Variants in GUCY2F observed in about 807,000 individuals in gnomAD.
GUCY2F encodes the protein retinal guanylyl cyclase 2.
In GUCY2F, 61 loss-of-function variants were observed where a neutral mutation model predicts 73.1. That is an observed-to-expected ratio of 0.83 (90% CI 0.68 to 1.03). The LOEUF is 1.03. GUCY2F is among the 50% of genes least tolerant of loss of function. GUCY2F has a pLI of 0.00. For missense variants in GUCY2F, 912 were observed against 854.3 expected, an observed-to-expected ratio of 1.07 and a Z score of -0.84; for synonymous variants, 331 against 307.8, an observed-to-expected ratio of 1.08 and a Z score of -0.79.
At chrX:109,411,260 A>G (rs1931104070) in intron 8 of GUCY2F, among the ~76,000 whole-genome samples, 1 of 107,876 alleles carries the variant, frequency 9.3e-6, no homozygotes. Flanking sequence ...ATTTTCAAAA[A>G]AAAAAAAAAA....
chrX:109,393,571 T>C (rs1288399357), intron 12 of GUCY2F, among the ~76,000 whole-genome samples: 1 of 111,564 alleles, frequency 9.0e-6, no homozygotes, highest in East Asian at 2.8e-4. Context: ...ATCCACGTGA[T>C]AAAATCAACC....
At chrX:109,426,055 G>T (rs1931479760) in intron 8 of GUCY2F, among the ~76,000 whole-genome samples, 1 of 111,840 alleles carries the variant, frequency 8.9e-6, no homozygotes, top group Non-Finnish European at 1.9e-5. Flanking sequence ...ATTTATAGTG[G>T]AAACAATATA....
intron 17 of GUCY2F, among the ~76,000 whole-genome samples, chrX:109,380,608 A>T (rs1290184585): frequency 3.6e-5 from 4 of 111,522 alleles, no homozygotes; most frequent in Non-Finnish European, 7.5e-5. Flanking sequence ...GGCATCAGAG[A>T]AAGGCTCTTC....
At chrX:109,423,602 C>T (rs1393879567) in intron 8 of GUCY2F, among the ~76,000 whole-genome samples, 1 of 98,613 alleles carries the variant, frequency 1.0e-5, no homozygotes, top group African/African-American at 3.7e-5. Context: ...GGTTTGGTAG[C>T]GATGGGGTCT....
rs942386066 is a variant in GUCY2F, at chrX:109,398,687, T to C, written c.2137A>G (p.Thr713Ala). The C allele has an allele frequency of 1.7e-6, 2 of 1,208,438 alleles. No homozygotes were observed. Among genetic ancestry groups the C allele is most frequent in the South Asian group, 3.5e-5 (2 of 56,345 alleles). ...EESSMEELLW[T>A]APELLRAPRG... ...GGAGCTCTCAACAGTTCAGGGGCCG[T>C]CCACAGCAGCTCTAAAAAGAAAGCA... The change falls in exon 11 of 20, where the codon ACG (threonine) becomes GCG (alanine). Residue 713 changes from threonine to alanine, a missense_variant. Transcript: ENST00000218006.
chrX:109,398,357 T>C (rs772942107), intron 11 of GUCY2F, among the ~76,000 whole-genome samples, 192 bp downstream of exon 11: 34 of 111,943 alleles, frequency 3.0e-4, no homozygotes, highest in African/African-American at 1.1e-3. Context: ...GGCCAGCTTC[T>C]TGGGTGGCGA....
chrX:109,453,855 G>A lies in GUCY2F; in HGVS notation c.1037C>T (p.Ser346Leu). ...ATTGTAGATGGTTCCAAACAACGGT[G>A]AAACCTATTTTTAAAAATTACAATT... is the stretch of plus-strand genomic sequence containing the variant. The part of the protein sequence containing the change: ...IPEKLEFDQV[S>L]PLFGTIYNSI... The change falls in exon 4 of 20, where the codon TCA becomes TTA. Residue 346 changes from serine (S) to leucine (L), a missense_variant. Transcript: ENST00000218006. 1 of 1,116,747 alleles carries A rather than the reference G, an allele frequency of 9.0e-7. No individual in the cohort carries two copies. The highest frequency in any genetic ancestry group is 1.2e-6 in the Non-Finnish European group (1 of 824,087). The allele number at this position is 1,116,747 out of a possible 1,213,427, so 92.0% of individuals were successfully genotyped here. A position where few individuals can be genotyped will look rare whatever the true frequency, so the allele number is the denominator to read the frequency against.
At chrX:109,408,081 T>C (rs1368015812) in intron 9 of GUCY2F, among the ~76,000 whole-genome samples, 2 of 111,805 alleles carry the variant, frequency 1.8e-5, no homozygotes, top group South Asian at 7.6e-4. Flanking sequence ...TGCCAGCCCA[T>C]GAAAGCAGCC....
chrX:109,461,671 T>C (rs1390260304), intron 3 of GUCY2F, among the ~76,000 whole-genome samples: 1 of 112,365 alleles, frequency 8.9e-6, no homozygotes, highest in Non-Finnish European at 1.9e-5. Context: ...ATTTGTAGCA[T>C]TTGCCTGTTT....
rs751467848 is a variant in GUCY2F, at chrX:109,393,174, C to T, written c.2425-119G>A. 9 of 469,368 alleles carry T rather than the reference C, an allele frequency of 1.9e-5. No homozygotes were observed. In the Admixed American group the frequency reaches 2.1e-4, roughly 11 times the overall value. 38.7% of individuals were successfully genotyped at this position (469,368 alleles called of 1,213,427 possible). A position where few individuals can be genotyped will look rare whatever the true frequency, so the allele number is the denominator to read the frequency against. On this transcript the variant is annotated intron_variant, in intron 12 of 19. Coordinates refer to ENST00000218006, the MANE Select transcript of GUCY2F (RefSeq NM_001522.3). Reference sequence around the variant, plus strand: ...AAAATGCCAGGGCAGGAAAGGTGAACCCAGATATAAATAGGAAAAGTCACC... The same window carrying T: ...AAAATGCCAGGGCAGGAAAGGTGAATCCAGATATAAATAGGAAAAGTCACC...
chrX:109,477,369 G>C lies in GUCY2F; in HGVS notation c.-85-1348C>G, dbSNP rs376845404. Among the ~76,000 whole-genome samples the C allele has an allele frequency of 1.6e-4, 18 of 111,868 alleles. 3 individuals are homozygous for C. Among genetic ancestry groups the C allele is most frequent in the East Asian group, 1.4e-3 (5 of 3,563 alleles). On this transcript the variant is annotated intron_variant, in intron 1 of 19. Transcript: ENST00000218006. ...GAAACACTGGAGGAAGGAGGTGGGA[G>C]AGACGATGCATTCTGATAGAGATCT...
In GUCY2F at chrX:109,382,115, T is replaced by C; in HGVS notation, c.3150+3A>G. 1 of 1,107,800 alleles carries C rather than the reference T, an allele frequency of 9.0e-7. No individual in the cohort carries two copies. The highest frequency in any genetic ancestry group is 1.2e-6 in the Non-Finnish European group (1 of 801,710). 91.3% of individuals were successfully genotyped at this position (1,107,800 alleles called of 1,213,427 possible). On this transcript the variant is annotated splice_donor_region_variant and intron_variant, in intron 17 of 19. Transcript: ENST00000218006. ...TGGCTCAAAAAACAAAAAGACATTA[T>C]ACCTTGAGCTCTGTTCTTCCTCGAA...
At chrX:109,453,434 C>A in intron 4 of GUCY2F, 71 bp downstream of exon 4, 1 of 586,190 alleles carries the variant, frequency 1.7e-6, no homozygotes, top group African/African-American at 2.3e-5. Context: ...TAAAATGTGC[C>A]TTCTCCTAAA....
chrX:109,434,138 A>G (rs148231409), intron 7 of GUCY2F, among the ~76,000 whole-genome samples: 63 of 110,796 alleles, frequency 5.7e-4, no homozygotes, highest in African/African-American at 2.1e-3. Context: ...CACAGGGAGA[A>G]GCAAAGAGGA....
chrX:109,397,849 T>G (rs80087832), intron 11 of GUCY2F, among the ~76,000 whole-genome samples: 1 of 108,244 alleles, frequency 9.2e-6, no homozygotes, highest in Non-Finnish European at 1.9e-5. Context: ...TTTTTTTTTT[T>G]GTCAAGAATA....
intron 17 of GUCY2F, among the ~76,000 whole-genome samples, chrX:109,377,784 A>C (rs745528160): frequency 2.4e-4 from 27 of 111,658 alleles, no homozygotes; most frequent in African/African-American, 8.5e-4. Flanking sequence ...GGAGCTTTGT[A>C]GAGGGATTGT....
intron 2 of GUCY2F, among the ~76,000 whole-genome samples, chrX:109,471,392 G>A (rs184366783): frequency 2.8e-4 from 32 of 112,338 alleles, no homozygotes; most frequent in East Asian, 2.8e-3. Context: ...GCTAACCTTC[G>A]CAGGAATTAG....
At chrX:109,414,274 G>A (rs2147263010) in intron 8 of GUCY2F, among the ~76,000 whole-genome samples, 1 of 111,490 alleles carries the variant, frequency 9.0e-6, no homozygotes, top group East Asian at 2.8e-4. Context: ...GCCTGGCCTC[G>A]ACAAGAAAAT....
chrX:109,403,272 A>G (rs946756671), intron 10 of GUCY2F, among the ~76,000 whole-genome samples: 13 of 110,396 alleles, frequency 1.2e-4, no homozygotes, highest in African/African-American at 4.3e-4. Flanking sequence ...TTGATCTGTT[A>G]TAACTCCTAC....
Sources: gnomAD v4.1 joint callset for allele counts (sites outside exome capture counted in the v4.1 genomes callset) on GRCh38, gnomAD v4.1.1 for gene constraint, MANE v1.5 for transcripts, NCBI Gene and HGNC (gene_info 2026-07-23, HGNC 2026-07-21) for gene names.